CTNNAL1: variants seen among roughly 807,000 people sequenced by gnomAD.
CTNNAL1 encodes the protein catenin alpha like 1, also known as alpha-catulin.
CTNNAL1 carries 69 observed loss-of-function variants against 93.6 expected under a neutral mutation model. The observed-to-expected ratio is 0.74, with a 90% confidence interval of 0.61 to 0.90. CTNNAL1 has a LOEUF of 0.90. Among genes scored for constraint, CTNNAL1 ranks in the 40% least tolerant of loss-of-function variants. The pLI is 0.00. For missense variants in CTNNAL1, 836 were observed against 862.0 expected (o/e 0.97, Z 0.38); for synonymous variants, 286 against 305.4 (o/e 0.94, Z 0.66).
chr9:108,955,232 C>T (rs191341502), intron 12 of CTNNAL1, among the ~76,000 whole-genome samples: 5 of 152,186 alleles, frequency 3.3e-5, no homozygotes, highest in Admixed American at 2.6e-4. Context: ...GTAATCCACC[C>T]ACCTCGGCCT....
At chr9:109,000,839 G>A (rs1826793759) in intron 1 of CTNNAL1, among the ~76,000 whole-genome samples, 1 of 151,952 alleles carries the variant, frequency 6.6e-6, no homozygotes, top group South Asian at 2.1e-4. Flanking sequence ...AGGGACCAGC[G>A]TGGAATATAG....
At chr9:109,006,944 C>T (rs768701829) in intron 1 of CTNNAL1, among the ~76,000 whole-genome samples, 3 of 152,166 alleles carry the variant, frequency 2.0e-5, no homozygotes, top group South Asian at 2.1e-4. Flanking sequence ...ATCAGCCAGG[C>T]GTGGCAGATC....
chr9:108,990,968 C>A, intron 3 of CTNNAL1, 123 bp from the exon 4 acceptor site: 1 of 1,133,192 alleles, frequency 8.8e-7, no homozygotes, highest in Non-Finnish European at 1.2e-6. Flanking sequence ...GGAGGAGGAG[C>A]CAGATAGAAG....
chr9:108,986,149 G>A (rs1159848069), intron 4 of CTNNAL1, among the ~76,000 whole-genome samples: 5 of 150,228 alleles, frequency 3.3e-5, no homozygotes, highest in Admixed American at 2.7e-4. Flanking sequence ...TTAGCATTAG[G>A]TATATCTCCT....
chr9:108,975,032 G>A (rs1032692131), intron 8 of CTNNAL1, among the ~76,000 whole-genome samples: 5 of 151,706 alleles, frequency 3.3e-5, no homozygotes, highest in East Asian at 1.9e-4. Context: ...GCGTGGTGGC[G>A]TGCATCTGTA....
At chr9:108,983,376 C>A in intron 5 of CTNNAL1, 61 bp from the exon 6 acceptor site, 2 of 1,342,442 alleles carry the variant, frequency 1.5e-6, no homozygotes, top group Non-Finnish European at 1.9e-6. Context: ...GCACAAAAAT[C>A]TTACAGAGAA....
chr9:108,949,440 G>C (rs1004017528), intron 14 of CTNNAL1, among the ~76,000 whole-genome samples: 1 of 152,198 alleles, frequency 6.6e-6, no homozygotes, highest in Non-Finnish European at 1.5e-5. Context: ...AAGCGCGGTG[G>C]CTCATGTCTG....
At chr9:108,980,751 T>A (rs1831403549) in intron 6 of CTNNAL1, among the ~76,000 whole-genome samples, 1 of 152,234 alleles carries the variant, frequency 6.6e-6, no homozygotes, top group Admixed American at 6.5e-5. Context: ...AATTTGAGAA[T>A]TTAAACAGAA....
rs1832129177 is a variant in CTNNAL1 at position 108,999,087 on chromosome 9, C to T, written c.311G>A (p.Cys104Tyr). 6.2e-7 allele frequency: 1 copy of T among 1,609,144 alleles called. No individual in the cohort carries two copies. Among genetic ancestry groups the T allele is most frequent in the African/African-American group, 1.3e-5 (1 of 74,722 alleles). Reference sequence around the variant, plus strand: ...CCTACCTGCTTGTTTAGCTTCAATACAAGCAATATTTATTTCTTCTTTCAA... The same window carrying T: ...CCTACCTGCTTGTTTAGCTTCAATATAAGCAATATTTATTTCTTCTTTCAA... ...WDLKEEINIA[C>Y]IEAKQAGETI... The change falls in exon 2 of 19, where the codon TGT becomes TAT. Residue 104 changes from cysteine (C) to tyrosine (Y), a missense_variant. Cys to Tyr is a radical substitution (Grantham distance 194). Coordinates refer to ENST00000325551, the MANE Select transcript of CTNNAL1 (RefSeq NM_003798.4).
At chr9:108,946,110 C>G (rs1830396703) in intron 15 of CTNNAL1, among the ~76,000 whole-genome samples, 1 of 152,018 alleles carries the variant, frequency 6.6e-6, no homozygotes, top group South Asian at 2.1e-4. Context: ...ACCATCCTGG[C>G]CAACATGGTG....
chr9:108,993,240 A>T (rs992083780), intron 2 of CTNNAL1, among the ~76,000 whole-genome samples: 1 of 152,186 alleles, frequency 6.6e-6, no homozygotes, highest in African/African-American at 2.4e-5. Flanking sequence ...GTCACTGCCA[A>T]TCTCCACAAG....
At chr9:108,979,715 C>T (rs1460335101) in intron 6 of CTNNAL1, among the ~76,000 whole-genome samples, 1 of 152,196 alleles carries the variant, frequency 6.6e-6, no homozygotes, top group African/African-American at 2.4e-5. Context: ...AATACAATGA[C>T]ATTGCTATGA....
intron 4 of CTNNAL1, among the ~76,000 whole-genome samples, chr9:108,989,943 C>A (rs1831737462): frequency 6.6e-6 from 1 of 151,866 alleles, no homozygotes; most frequent in African/African-American, 2.4e-5. Flanking sequence ...CCCAGCTACT[C>A]GGGAGGCTGA....
At chr9:109,011,504 C>G (rs1268295072) in intron 1 of CTNNAL1, among the ~76,000 whole-genome samples, 1 of 152,250 alleles carries the variant, frequency 6.6e-6, no homozygotes, top group Admixed American at 6.5e-5. Flanking sequence ...CAATGCAGAG[C>G]TGTAAGACTG....
chr9:109,010,934 G>A (rs1827186484), intron 1 of CTNNAL1, among the ~76,000 whole-genome samples: 1 of 152,188 alleles, frequency 6.6e-6, no homozygotes, highest in African/African-American at 2.4e-5. Context: ...CACTTTGCAT[G>A]TGCTGTTCTA....
intron 9 of CTNNAL1, 69 bp downstream of exon 9, chr9:108,972,606 T>C: frequency 7.4e-7 from 1 of 1,345,696 alleles, no homozygotes; most frequent in Non-Finnish European, 1.0e-6. Context: ...TGTATTTGTG[T>C]TAACATTCCC....
chr9:108,979,886 G>A (rs1024657527), intron 6 of CTNNAL1, among the ~76,000 whole-genome samples: 4 of 152,242 alleles, frequency 2.6e-5, no homozygotes, highest in African/African-American at 9.6e-5. Flanking sequence ...CCAGGGGGAA[G>A]GATGGTGTGG....
At chr9:108,960,823 T>C (rs1830803112) in intron 11 of CTNNAL1, among the ~76,000 whole-genome samples, 1 of 152,194 alleles carries the variant, frequency 6.6e-6, no homozygotes, top group African/African-American at 2.4e-5. Context: ...TCCCTTCTAA[T>C]ACAAGGACCA....
intron 4 of CTNNAL1, among the ~76,000 whole-genome samples, chr9:108,988,929 G>C (rs1831697905): frequency 6.6e-6 from 1 of 152,176 alleles, no homozygotes; most frequent in South Asian, 2.1e-4. Context: ...AAAGGAGAAA[G>C]CATTTGAACC....
Sources: allele counts gnomAD v4.1 joint callset (sites outside exome capture counted in the v4.1 genomes callset), GRCh38; gene constraint gnomAD v4.1.1; transcripts MANE v1.5; gene names NCBI Gene and HGNC (gene_info 2026-07-23, HGNC 2026-07-21).